The following TCHP variants were observed in gnomAD, a reference collection of about 807,000 sequenced individuals.
TCHP encodes trichoplein keratin filament binding.
In TCHP, 81 loss-of-function variants were observed where a neutral mutation model predicts 88.7. That is an observed-to-expected ratio of 0.91 (90% CI 0.76 to 1.10). TCHP has a LOEUF of 1.10. Among genes scored for constraint, TCHP ranks in the 50% least tolerant of loss-of-function variants. The pLI is 0.00. For synonymous variants in TCHP, 232 were observed against 232.5 expected, an observed-to-expected ratio of 1.00 and a Z score of 0.02; for missense variants, 641 against 632.1, an observed-to-expected ratio of 1.01 and a Z score of -0.15.
rs1869929068 is a variant in TCHP at position 109,903,363 on chromosome 12, A to G, written c.188+149A>G. The G allele has an allele frequency of 7.0e-6, 5 of 713,552 alleles. No homozygotes were observed. The highest frequency in any genetic ancestry group is 5.5e-5 in the East Asian group (2 of 36,308). 44.2% of individuals were successfully genotyped at this position (713,552 alleles called of 1,614,324 possible). On this transcript the variant is annotated intron_variant, in intron 2 of 12. Transcript: ENST00000405876. The surrounding 1 kb of genome is among the most constrained non-coding windows in gnomAD (Gnocchi z 4.6). ...TTTTTCCAGCTGGAAATGGAAAAAA[A>G]GATCATCAGTGCAGCCATACATTGG...
At position 109,915,408 on chromosome 12, in the gene TCHP, A is replaced by C. The variant is rs1363255102; in HGVS notation, c.1326A>C (p.Ala442=). Residue 442 remains alanine, a synonymous_variant, in exon 12 of 13, where the codon GCA becomes GCC. Transcript: ENST00000405876. The stretch of plus-strand genomic sequence containing the variant: ...ACTTTGCTCTTGGCACTCAGGTTGC[A>C]GAGCGCCGGCTGCAGGCATGGGAAG... ...ARKQELEAQV[A]ERRLQAWEAD... is the part of the protein sequence containing the mutation. The C allele has an allele frequency of 6.2e-7, 1 of 1,614,042 alleles. No individual in the cohort carries two copies. The highest frequency in any genetic ancestry group is 8.5e-7 in the Non-Finnish European group (1 of 1,180,046).
chr12:109,904,655 C>A, intron 3 of TCHP, 82 bp from the exon 4 acceptor site: 1 of 1,312,494 alleles, frequency 7.6e-7, no homozygotes, highest in Non-Finnish European at 1.1e-6. Flanking sequence ...ATAGCCTGAG[C>A]TGACTTCCAC....
At chr12:109,896,589 C>T (rs2136061056), upstream of TCHP, among the ~76,000 whole-genome samples, 1 of 152,194 alleles carries the variant, frequency 6.6e-6, no homozygotes, top group Non-Finnish European at 1.5e-5. Context: ...AGAAAGTACT[C>T]AAAATAGGGG....
At chr12:109,915,884 G>A (rs1870794736) in intron 12 of TCHP, among the ~76,000 whole-genome samples, 1 of 152,180 alleles carries the variant, frequency 6.6e-6, no homozygotes. Context: ...GGCCTCAACT[G>A]TTGAGACAGT....
chr12:109,889,317 CA>C, the TCHP span, among the ~76,000 whole-genome samples: 4 of 152,012 alleles, frequency 2.6e-5, no homozygotes, highest in African/African-American at 9.7e-5. Context: ...ACTAAAAATA[CA>C]AAAAATTAGT....
Position 109,911,186 on chromosome 12 carries a change from C to T in TCHP, c.1003C>T (p.Gln335Ter), listed in dbSNP as rs764808889. Residue 335 changes from glutamine (Q) to a stop codon, truncating the protein, a stop_gained, in exon 9 of 13, where the codon CAG becomes TAG. Transcript: ENST00000405876. LOFTEE classifies it high-confidence loss of function. ...CTGGATGAAGCAGGCCATTGAGGAG[C>T]AGCTGCAGCTGGAGCGGGCGCGGGA... ...VAWMKQAIEE[Q>*]LQLERAREAE... The T allele has an allele frequency of 7.5e-6, 12 of 1,589,906 alleles. No homozygotes were observed. In the South Asian group the frequency reaches 1.1e-4, roughly 15 times the overall value.
At chr12:109,889,873 C>T in the TCHP span, among the ~76,000 whole-genome samples, 22 of 152,142 alleles carry the variant, frequency 1.4e-4, no homozygotes, top group Non-Finnish European at 3.2e-4. Flanking sequence ...TTTGTTGAGC[C>T]AACTCCTCTG....
At chr12:109,916,517 T>G (rs764271378) in intron 12 of TCHP, 74 bp from the exon 13 acceptor site, 1 of 1,468,866 alleles carries the variant, frequency 6.8e-7, no homozygotes, top group Non-Finnish European at 9.3e-7. Context: ...TAGCTTGTAG[T>G]TAAAACAAGG....
chr12:109,900,291 C>T lies in TCHP; in HGVS notation c.-136C>T, dbSNP rs925512405. ...GACGCTCCGTCGTCGGGCTCGTTGC[C>T]GGTGCAAACAGGGAGGAAACAGCCG... On this transcript the variant is annotated 5_prime_UTR_variant, in exon 1 of 13. Coordinates refer to ENST00000405876, the MANE Select transcript of TCHP (RefSeq NM_001143852.2). The T allele has an allele frequency of 6.6e-6, 1 of 152,184 alleles. No homozygotes were observed. Among genetic ancestry groups the T allele is most frequent in the East Asian group, 1.9e-4 (1 of 5,182 alleles). The allele number at this position is 152,184 out of a possible 1,614,324, so 9.4% of individuals were successfully genotyped here.
the TCHP span, among the ~76,000 whole-genome samples, chr12:109,881,446 C>T: frequency 1.3e-5 from 2 of 152,188 alleles, no homozygotes; most frequent in South Asian, 4.1e-4. Flanking sequence ...TCACTTCATT[C>T]TCTTCATTTA....
the TCHP span, among the ~76,000 whole-genome samples, chr12:109,894,152 T>C: frequency 6.6e-6 from 1 of 151,122 alleles, no homozygotes; most frequent in Non-Finnish European, 1.5e-5. Context: ...ACCACTGTAC[T>C]CTAGCCTGGG....
rs1870093810 is a variant in TCHP, at chr12:109,905,822, A to C, written c.457-750A>C. ...TAAATCAGAAAAGTTTATTCAGAAC[A>C]TTCAAGTTAATTGCCTATGTTCACA... On this transcript the variant is annotated intron_variant, in intron 4 of 12. Transcript: ENST00000405876. The surrounding 1 kb of genome is among the most constrained non-coding windows in gnomAD (Gnocchi z 4.0). 6.6e-6 allele frequency among the ~76,000 whole-genome samples: 1 copy of C among 152,202 alleles called. No homozygotes were observed.
Position 109,914,475 on chromosome 12 carries a change from A to G in TCHP, c.1168A>G (p.Lys390Glu), listed in dbSNP as rs754621461. The change falls in exon 11 of 13, where the codon AAG becomes GAG. Residue 390 changes from lysine to glutamate, a missense_variant. Coordinates refer to ENST00000405876, the MANE Select transcript of TCHP (RefSeq NM_001143852.2). ...AGGGAGACAACAGCAAATACAAGAG[A>G]AGATTGAGCAGAACCGACGGGCACA... ...LTGRQQQIQE[K>E]IEQNRRAQEE... 6.2e-7 allele frequency: 1 copy of G among 1,613,884 alleles called. No homozygotes were observed. The highest frequency in any genetic ancestry group is 8.5e-7 in the Non-Finnish European group (1 of 1,179,854).
Position 109,915,530 on chromosome 12 carries a change from A to C in TCHP, c.1448A>C (p.Gln483Pro), listed in dbSNP as rs769967172. The change falls in exon 12 of 13, where the codon CAG becomes CCG. Residue 483 changes from glutamine (Q) to proline (P), a missense_variant. Coordinates refer to ENST00000405876, the MANE Select transcript of TCHP (RefSeq NM_001143852.2). Reference sequence around the variant, plus strand: ...CAGGAGGCGGAGACTATGGCTGAGCAGGGCTACCGGCCTAAGGTAGGAAGT... The same window carrying C: ...CAGGAGGCGGAGACTATGGCTGAGCCGGGCTACCGGCCTAAGGTAGGAAGT... ...LQQEAETMAE[Q>P]GYRPKPYGHP... 4 of 1,613,712 alleles carry C rather than the reference A, an allele frequency of 2.5e-6. No homozygotes were observed. Among genetic ancestry groups the C allele is most frequent in the Non-Finnish European group, 3.4e-6 (4 of 1,179,810 alleles).
chr12:109,906,693 C>T (rs1474377445), intron 5 of TCHP, 53 bp downstream of exon 5: 7 of 1,455,862 alleles, frequency 4.8e-6, no homozygotes, highest in Non-Finnish European at 6.7e-6. Context: ...CGAGACTGTT[C>T]ACGTCTTTGC....
chr12:109,902,488 T>C (rs1869859046), intron 1 of TCHP, among the ~76,000 whole-genome samples: 1 of 151,886 alleles, frequency 6.6e-6, no homozygotes. Context: ...TTTTGTTGTG[T>C]TTTGAGATGG....
chr12:109,884,220 A>G, the TCHP span, among the ~76,000 whole-genome samples: 14,253 of 151,652 alleles, frequency 0.094, 1,183 homozygotes, highest in African/African-American at 0.23. Flanking sequence ...AAGGAGTCTC[A>G]CTCTGTCACC....
upstream of TCHP, among the ~76,000 whole-genome samples, chr12:109,897,399 A>G (rs914611386): frequency 2.0e-5 from 3 of 152,196 alleles, no homozygotes; most frequent in Non-Finnish European, 4.4e-5. Flanking sequence ...TCGAGCCCTA[A>G]GCCCTAAAGT....
At chr12:109,915,625 C>T (rs952867384) in intron 12 of TCHP, 79 bp downstream of exon 12, 8 of 1,464,660 alleles carry the variant, frequency 5.5e-6, no homozygotes, top group Non-Finnish European at 4.6e-6. Flanking sequence ...GCCTGCTCAT[C>T]GCCCCGCGCC....
Sources: gnomAD v4.1 joint callset for allele counts (sites outside exome capture counted in the v4.1 genomes callset) on GRCh38, gnomAD v4.1.1 for gene constraint, Gnocchi (gnomAD v3.1) non-coding constraint, MANE v1.5 for transcripts, NCBI Gene and HGNC (gene_info 2026-07-23, HGNC 2026-07-21) for gene names.